Variants in GAB4 observed in about 807,000 individuals in gnomAD.
GAB4 encodes the protein GRB2 associated binding protein family member 4, also known as GRB2-associated-binding protein 4.
A neutral mutation model predicts 51.3 loss-of-function variants in GAB4; 26 were observed. The ratio of observed to expected loss-of-function variants is 0.51; its 90% CI spans 0.37 to 0.70. GAB4 has a LOEUF of 0.70. GAB4 is among the 30% of genes least tolerant of loss of function. GAB4 has a pLI of 0.00. For synonymous variants in GAB4, 329 were observed against 291.2 expected, an observed-to-expected ratio of 1.13 and a Z score of -1.32; for missense variants, 759 against 734.6, an observed-to-expected ratio of 1.03 and a Z score of -0.38.
intron 8 of GAB4, 29 bp downstream of exon 8, chr22:16,964,737 G>A: frequency 4.7e-6 from 7 of 1,505,048 alleles, no homozygotes; most frequent in African/African-American, 1.4e-5. Flanking sequence ...ACTCTGATAG[G>A]AGCCTTACAG....
intron 4 of GAB4, chr22:16,969,571 C>G: frequency 2.0e-6 from 1 of 488,384 alleles, no homozygotes; most frequent in South Asian, 4.9e-5. Context: ...CCCGGTGCCA[C>G]CTCCCCTCTC....
intron 2 of GAB4, among the ~76,000 whole-genome samples, chr22:16,989,944 C>T (rs2060900201): frequency 2.0e-5 from 3 of 152,334 alleles, no homozygotes; most frequent in East Asian, 3.9e-4. Context: ...TTCTGGGGCT[C>T]CCTGCCGCAA....
intron 3 of GAB4, among the ~76,000 whole-genome samples, chr22:16,983,782 C>T (rs1227254452): frequency 6.6e-6 from 1 of 152,216 alleles, no homozygotes; most frequent in East Asian, 1.9e-4. Flanking sequence ...CCCTATCTCT[C>T]ACCCTATACA....
At chr22:16,989,280 G>A (rs778768537) in intron 2 of GAB4, among the ~76,000 whole-genome samples, 1 of 152,222 alleles carries the variant, frequency 6.6e-6, no homozygotes, top group Non-Finnish European at 1.5e-5. Context: ...TTATGTTTGG[G>A]TGGTGTTGAT....
chr22:16,988,677 A>G (rs554090860), intron 2 of GAB4, among the ~76,000 whole-genome samples: 1 of 152,298 alleles, frequency 6.6e-6, no homozygotes, highest in East Asian at 1.9e-4. Context: ...ATGGACAGGT[A>G]GTACTTTGCT....
chr22:16,968,289 C>T lies in GAB4; in HGVS notation c.1023+9G>A. ...CCAGTCTGGGGACCCCTGGTTAAGC[C>T]ATACTCACCAGGAAAGAACAGACTC... On this transcript the variant is annotated intron_variant, in intron 5 of 9. Transcript: ENST00000400588. The T allele has an allele frequency of 6.2e-7, 1 of 1,604,992 alleles. No homozygotes were observed. The highest frequency in any genetic ancestry group is 1.1e-5 in the South Asian group (1 of 90,862).
intron 9 of GAB4, 44 bp from the exon 10 acceptor site, chr22:16,962,920 T>C: frequency 1.3e-6 from 2 of 1,579,026 alleles, no homozygotes; most frequent in Admixed American, 1.7e-5. Flanking sequence ...TGTCTGTGAG[T>C]TCCTGGTGAG....
chr22:16,980,291 A>T, intron 3 of GAB4, among the ~76,000 whole-genome samples: 1 of 152,228 alleles, frequency 6.6e-6, no homozygotes, highest in East Asian at 1.9e-4. Context: ...CAGAATCTAC[A>T]AGGAACTTAA....
At chr22:17,003,409 T>A (rs1318900330) in intron 1 of GAB4, among the ~76,000 whole-genome samples, 5 of 152,202 alleles carry the variant, frequency 3.3e-5, no homozygotes, top group Non-Finnish European at 7.3e-5. Flanking sequence ...ACTCACTTAT[T>A]CTAAAATTGA....
At chr22:16,976,468 GA>G (rs2060779691) in intron 3 of GAB4, among the ~76,000 whole-genome samples, 1 of 152,122 alleles carries the variant, frequency 6.6e-6, no homozygotes, top group Admixed American at 6.5e-5. Flanking sequence ...CGAGATTAGA[GA>G]AAAAAGAATT....
At chr22:17,003,734 T>C (rs1366645885) in intron 1 of GAB4, among the ~76,000 whole-genome samples, 1 of 152,046 alleles carries the variant, frequency 6.6e-6, no homozygotes, top group Non-Finnish European at 1.5e-5. Context: ...GCAGGAAAGA[T>C]CTAAAATTGA....
intron 4 of GAB4, chr22:16,969,523 T>C: frequency 2.1e-6 from 1 of 479,394 alleles, no homozygotes; most frequent in Non-Finnish European, 3.6e-6. Context: ...AAGTCTCCCT[T>C]GGCCATGGGA....
chr22:16,991,721 G>A (rs1042901627), intron 2 of GAB4, 152 bp downstream of exon 2: 11 of 678,868 alleles, frequency 1.6e-5, no homozygotes, highest in African/African-American at 7.2e-5. Flanking sequence ...TAGTGGTATC[G>A]AGGTGTCTGA....
At chr22:16,987,829 T>C in intron 3 of GAB4, 131 bp downstream of exon 3, 2 of 671,814 alleles carry the variant, frequency 3.0e-6, no homozygotes, top group Non-Finnish European at 5.0e-6. Flanking sequence ...TAAATGTTGT[T>C]ATATATGTTT....
chr22:16,985,280 T>C (rs1343914824), intron 3 of GAB4, among the ~76,000 whole-genome samples: 1 of 152,236 alleles, frequency 6.6e-6, no homozygotes, highest in East Asian at 1.9e-4. Flanking sequence ...AGCTCCAAAA[T>C]CTGGGTCTAT....
chr22:16,991,353 G>T (rs1308033951), intron 2 of GAB4, among the ~76,000 whole-genome samples: 1 of 150,988 alleles, frequency 6.6e-6, no homozygotes, highest in African/African-American at 2.4e-5. Flanking sequence ...AACCTTACTG[G>T]TGAGTAGAGG....
chr22:17,006,778 G>C (rs376954602), intron 1 of GAB4, among the ~76,000 whole-genome samples: 5 of 152,174 alleles, frequency 3.3e-5, no homozygotes, highest in African/African-American at 1.2e-4. Context: ...ACACCGCCAT[G>C]TTCTCACTCA....
rs1296516155 is a variant in GAB4 at position 16,970,168 on chromosome 22, C to G, written c.712G>C (p.Glu238Gln). The part of the protein sequence containing the change: ...ARSASFSQGS[E>Q]APFIMRRNTA... ...TTTCTCCTCATGATGAATGGGGCCT[C>G]AGAACCCTGGGAGAAGCTGGCACTC... is the stretch of plus-strand genomic sequence containing the variant. Residue 238 changes from glutamate to glutamine, a missense_variant, in exon 4 of 10, where the codon GAG becomes CAG. Coordinates refer to ENST00000400588, the MANE Select transcript of GAB4 (RefSeq NM_001037814.1). 1.9e-6 allele frequency: 3 copies of G among 1,614,120 alleles called. No individual in the cohort carries two copies. The Admixed American group carries it at 5.0e-5, about 27-fold the overall frequency.
At chr22:16,975,959 A>G (rs2060774150) in intron 3 of GAB4, among the ~76,000 whole-genome samples, 5 of 152,136 alleles carry the variant, frequency 3.3e-5, no homozygotes, top group African/African-American at 1.2e-4. Context: ...AGGAAAACTA[A>G]CAAACAGAAA....
Sources: gnomAD v4.1 joint callset for allele counts (sites outside exome capture counted in the v4.1 genomes callset) on GRCh38, gnomAD v4.1.1 for gene constraint, MANE v1.5 for transcripts, NCBI Gene and HGNC (gene_info 2026-07-23, HGNC 2026-07-21) for gene names.